The following RBM33 variants were observed in gnomAD, a reference collection of about 807,000 sequenced individuals.
RBM33 encodes RNA binding motif protein 33, also known as RNA-binding protein 33.
RBM33 carries 28 observed loss-of-function variants against 132.6 expected under a neutral mutation model. The ratio of observed to expected loss-of-function variants is 0.21; its 90% CI spans 0.16 to 0.29. RBM33 has a LOEUF of 0.29. Among genes scored for constraint, RBM33 ranks in the 10% least tolerant of loss-of-function variants. The pLI, the probability that RBM33 is intolerant of heterozygous loss-of-function variation, is 1.00. For missense variants in RBM33, 1,291 were observed against 1,518.5 expected (o/e 0.85, Z 2.49); for synonymous variants, 634 against 593.0 (o/e 1.07, Z -1.01).
At chr7:155,724,988 G>GTTT (rs148975210) in intron 9 of RBM33, among the ~76,000 whole-genome samples, 1,265 of 117,196 alleles carry the variant, frequency 0.011, 11 homozygotes, top group Non-Finnish European at 0.014. Context: ...TTGTGTACAG[G>GTTT]TTTGTGTGTG....
At chr7:155,686,498 A>AT (rs1799481940) in intron 5 of RBM33, among the ~76,000 whole-genome samples, 1 of 150,166 alleles carries the variant, frequency 6.7e-6, no homozygotes, top group Non-Finnish European at 1.5e-5. Context: ...TTTAAATTAT[A>AT]TTTTAAGTTC....
chr7:155,677,285 T>A (rs2116918305), intron 3 of RBM33, among the ~76,000 whole-genome samples: 1 of 151,656 alleles, frequency 6.6e-6, no homozygotes, highest in South Asian at 2.1e-4. Context: ...ATTGGCTCAC[T>A]GCAACCTCCA....
chr7:155,691,087 A>C (rs1210951920), intron 5 of RBM33, among the ~76,000 whole-genome samples: 2 of 152,254 alleles, frequency 1.3e-5, no homozygotes, highest in African/African-American at 4.8e-5. Context: ...CCATTCTCCC[A>C]GTCACTTTCA....
At chr7:155,761,534 C>T (rs1802036779) in intron 14 of RBM33, among the ~76,000 whole-genome samples, 1 of 152,090 alleles carries the variant, frequency 6.6e-6, no homozygotes, top group African/African-American at 2.4e-5. Context: ...ACTTGTGTCT[C>T]GTTGAATTTG....
At chr7:155,773,076 G>A (rs1043903327) in intron 16 of RBM33, among the ~76,000 whole-genome samples, 3 of 152,156 alleles carry the variant, frequency 2.0e-5, no homozygotes, top group African/African-American at 7.2e-5. Flanking sequence ...AAAATGAAAT[G>A]GCCACATGTG....
rs747451409 is a variant in RBM33 at position 155,766,565 on chromosome 7, C to T, written c.3285C>T (p.Pro1095=). The part of the protein sequence containing the change: ...KQNLRVVECK[P]QPCVVSVEGL... ...ACCTGCGGGTGGTGGAGTGCAAGCC[C>T]CAGCCCTGCGTGGTGTCTGTGGAGG... The change falls in exon 16 of 18, where the codon CCC becomes CCT. Residue 1095 remains proline (P), a synonymous_variant. Coordinates refer to ENST00000401878, the MANE Select transcript of RBM33 (RefSeq NM_053043.3). The T allele has an allele frequency of 1.2e-6, 2 of 1,613,416 alleles. No homozygotes were observed.
At chr7:155,722,208 C>T (rs918797032) in intron 9 of RBM33, among the ~76,000 whole-genome samples, 3 of 152,070 alleles carry the variant, frequency 2.0e-5, no homozygotes, top group Non-Finnish European at 4.4e-5. Context: ...AGTAACATAC[C>T]CTCAGAGCTT....
chr7:155,738,094 T>C lies in RBM33; in HGVS notation c.1428T>C (p.Phe476=), dbSNP rs1480324515. The C allele has an allele frequency of 6.2e-7, 1 of 1,613,532 alleles. No homozygotes were observed. Among genetic ancestry groups the C allele is most frequent in the Non-Finnish European group, 8.5e-7 (1 of 1,179,676 alleles). Residue 476 remains phenylalanine, a synonymous_variant, in exon 11 of 18, where the codon TTT becomes TTC. Transcript: ENST00000401878. The stretch of plus-strand genomic sequence containing the variant: ...AACCAAGATTCCCGAGCCATCTTTT[T>C]CTGGAACAGCGAAGTCCCCCTCCAC... ...SGEPRFPSHL[F]LEQRSPPPPP...
intron 7 of RBM33, among the ~76,000 whole-genome samples, chr7:155,709,211 A>G (rs1392936650): frequency 3.3e-5 from 5 of 152,206 alleles, no homozygotes; most frequent in Non-Finnish European, 5.9e-5. Flanking sequence ...TAATATATGC[A>G]TAAATATATT....
chr7:155,682,179 C>A (rs906274887), intron 5 of RBM33, among the ~76,000 whole-genome samples: 2 of 152,182 alleles, frequency 1.3e-5, no homozygotes, highest in African/African-American at 4.8e-5. Context: ...CCTCGTCCTC[C>A]CAAAGTGCTG....
Position 155,745,671 on chromosome 7 carries a change from G to T in RBM33, c.2979+69G>T. 7.3e-7 allele frequency: 1 copy of T among 1,363,264 alleles called. No individual in the cohort carries two copies. Among genetic ancestry groups the T allele is most frequent in the Non-Finnish European group, 9.8e-7 (1 of 1,016,998 alleles). The allele number at this position is 1,363,264 out of a possible 1,614,324, so 84.4% of individuals were successfully genotyped here. A position where few individuals can be genotyped will look rare whatever the true frequency, so the allele number is the denominator to read the frequency against. On this transcript the variant is annotated intron_variant, in intron 14 of 17. Coordinates refer to ENST00000401878, the MANE Select transcript of RBM33 (RefSeq NM_053043.3). This position sits in a 1 kb window ranked among gnomAD's most constrained non-coding sequence, Gnocchi z 4.1. The stretch of plus-strand genomic sequence containing the variant: ...CACATAGAATGTCCTCATTTGCAGA[G>T]AATGTTTTTGAAGAAAGAATTAAAA...
chr7:155,734,359 C>T (rs374127656), intron 9 of RBM33, among the ~76,000 whole-genome samples: 1 of 152,232 alleles, frequency 6.6e-6, no homozygotes, highest in South Asian at 2.1e-4. Context: ...AAACCATCAT[C>T]AAACCTGCTT....
intron 16 of RBM33, among the ~76,000 whole-genome samples, chr7:155,771,585 A>AAAAGCTACGTAGATT (rs1802427797): frequency 6.6e-6 from 1 of 152,186 alleles, no homozygotes; most frequent in African/African-American, 2.4e-5. Context: ...TTACAAGTAA[A>AAAAGCTACGTAGATT]ACCTGATACC....
intron 6 of RBM33, among the ~76,000 whole-genome samples, chr7:155,702,263 G>A (rs1420845925): frequency 6.6e-6 from 1 of 152,192 alleles, no homozygotes; most frequent in East Asian, 1.9e-4. Flanking sequence ...AGGACACTAA[G>A]CTTCAAAGAT....
intron 1 of RBM33, among the ~76,000 whole-genome samples, chr7:155,652,730 T>C (rs1180594433): frequency 1.3e-5 from 2 of 152,222 alleles, no homozygotes; most frequent in African/African-American, 4.8e-5. Flanking sequence ...TTGACCTCTT[T>C]CGTTTTGCTC....
intron 11 of RBM33, chr7:155,738,640 T>A: frequency 1.8e-6 from 1 of 545,652 alleles, no homozygotes; most frequent in South Asian, 2.4e-5. Flanking sequence ...CTACTTATTA[T>A]AATTGTTTAA....
chr7:155,742,285 C>T (rs939229460), intron 13 of RBM33, among the ~76,000 whole-genome samples, 179 bp downstream of exon 13: 1 of 132,354 alleles, frequency 7.6e-6, no homozygotes, highest in Non-Finnish European at 1.6e-5. Context: ...TGTATTCTCA[C>T]TAGTTTACAA....
At chr7:155,659,906 A>G (rs1798594351) in intron 1 of RBM33, among the ~76,000 whole-genome samples, 3 of 152,088 alleles carry the variant, frequency 2.0e-5, no homozygotes, top group Admixed American at 2.0e-4. Context: ...TCCTTGGCTT[A>G]TGGCAGCATA....
intron 13 of RBM33, 27 bp from the exon 14 acceptor site, chr7:155,744,934 G>A: frequency 6.6e-7 from 1 of 1,526,226 alleles, no homozygotes; most frequent in Non-Finnish European, 8.8e-7. Flanking sequence ...GTATAGCAAA[G>A]TAAACCGTGT....
Sources: allele counts gnomAD v4.1 joint callset (sites outside exome capture counted in the v4.1 genomes callset), GRCh38; gene constraint gnomAD v4.1.1; non-coding constraint Gnocchi (gnomAD v3.1); transcripts MANE v1.5; gene names NCBI Gene and HGNC (gene_info 2026-07-23, HGNC 2026-07-21).